The following BCLAF1 variants were observed in gnomAD, a reference collection of about 807,000 sequenced individuals.
The protein encoded by BCLAF1 is bcl-2-associated transcription factor 1.
Under a neutral mutation model 99.5 loss-of-function variants are expected in BCLAF1, and 10 were observed. The ratio of observed to expected loss-of-function variants is 0.10; its 90% CI spans 0.06 to 0.17. The LOEUF is 0.17. Among genes scored for constraint, BCLAF1 ranks in the 10% least tolerant of loss-of-function variants. The pLI, the probability that BCLAF1 is intolerant of heterozygous loss-of-function variation, is 1.00. For synonymous variants in BCLAF1, 255 were observed against 370.9 expected, an observed-to-expected ratio of 0.69 and a Z score of 3.59; for missense variants, 636 against 1,105.8, an observed-to-expected ratio of 0.58 and a Z score of 6.02.
chr6:136,261,103 A>G lies in BCLAF1; in HGVS notation c.*7T>C, dbSNP rs76890371. 5 of 1,577,714 alleles carry G rather than the reference A, an allele frequency of 3.2e-6. No homozygotes were observed. The South Asian group carries it at 4.7e-5, about 15-fold the overall frequency. On this transcript the variant is annotated 3_prime_UTR_variant, in exon 13 of 13. Coordinates refer to ENST00000531224, the MANE Select transcript of BCLAF1 (RefSeq NM_014739.3). The stretch of plus-strand genomic sequence containing the variant: ...TTCTGCTCTGTTGTAATCTTACTTC[A>G]TATTTATTATTCCTAAAAGAGAGAG...
rs1020981781 is a variant in BCLAF1 at position 136,289,814 on chromosome 6, G to A, written c.-216C>T. 6.5e-6 allele frequency: 1 copy of A among 152,684 alleles called. No individual in the cohort carries two copies. The allele number at this position is 152,684 out of a possible 1,614,324, so 9.5% of individuals were successfully genotyped here. ...CGAGGAAAACCATAGAGCTACCTTC[G>A]ACGCGCTAGCACGTCTCCGTCACTT... On this transcript the variant is annotated 5_prime_UTR_variant, in exon 1 of 13. Transcript: ENST00000531224.
Position 136,264,707 on chromosome 6 carries a change from T to C in BCLAF1, c.2544+2322A>G, listed in dbSNP as rs190243930. On this transcript the variant is annotated intron_variant, in intron 11 of 12. Transcript: ENST00000531224. Reference sequence around the variant, plus strand: ...TAACTATTCATGTGAAAACCAAAGTTGCCATTTCAATGGCTCATAAGTAAA... The same window carrying C: ...TAACTATTCATGTGAAAACCAAAGTCGCCATTTCAATGGCTCATAAGTAAA... 2.6e-3 allele frequency among the ~76,000 whole-genome samples: 394 copies of C among 152,308 alleles called. 2 individuals are homozygous for C. The highest frequency in any genetic ancestry group is 9.1e-3 in the African/African-American group (377 of 41,560).
intron 11 of BCLAF1, among the ~76,000 whole-genome samples, chr6:136,261,941 T>C (rs1781069668): frequency 6.6e-6 from 1 of 152,160 alleles, no homozygotes; most frequent in African/African-American, 2.4e-5. Flanking sequence ...GTATGAATTT[T>C]ATACTTTACA....
In BCLAF1 at chr6:136,271,972, A is replaced by C. The variant is rs767789214; in HGVS notation, c.2043+23T>G. 82 of 1,556,772 alleles carry C rather than the reference A, an allele frequency of 5.3e-5. No individual in the cohort carries two copies. The Admixed American group carries it at 1.4e-3, about 27-fold the overall frequency. Reference sequence around the variant, plus strand: ...TAACTAAGCTGAACTTAACACGAAAAAAAATTACATTCAAAAACATACCTT... The same window carrying C: ...TAACTAAGCTGAACTTAACACGAAACAAAATTACATTCAAAAACATACCTT... On this transcript the variant is annotated intron_variant, in intron 8 of 12. Transcript: ENST00000531224.
Position 136,268,287 on chromosome 6 carries a change from G to GTGATGC in BCLAF1, c.2266_2271dup (p.Ala756_Ser757dup), listed in dbSNP as rs1159651094. 1 of 1,536,722 alleles carries GTGATGC rather than the reference G, an allele frequency of 6.5e-7. No individual in the cohort carries two copies. Among genetic ancestry groups the GTGATGC allele is most frequent in the African/African-American group, 1.3e-5 (1 of 74,144 alleles). On this transcript the variant is annotated inframe_insertion, in exon 10 of 13. Transcript: ENST00000531224. ...TCTTCTCGAGAACTGGGAGAAGAAG[G>GTGATGC]TGATGCTGAAGAGGATGAAGATCGA...
chr6:136,283,962 G>A (rs1205507282), intron 1 of BCLAF1, among the ~76,000 whole-genome samples: 1 of 151,834 alleles, frequency 6.6e-6, no homozygotes, highest in African/African-American at 2.4e-5. Flanking sequence ...AGAAAAAAAT[G>A]GCAATCTTCT....
chr6:136,284,494 T>A (rs1235427365), intron 1 of BCLAF1, among the ~76,000 whole-genome samples: 1 of 152,100 alleles, frequency 6.6e-6, no homozygotes. Context: ...AAAAACCAAA[T>A]CGAGAACAGT....
chr6:136,271,972 A>G, intron 8 of BCLAF1, 23 bp downstream of exon 8: 1 of 1,556,890 alleles, frequency 6.4e-7, no homozygotes, highest in Non-Finnish European at 8.8e-7. Context: ...TAACACGAAA[A>G]AAAATTACAT....
intron 1 of BCLAF1, among the ~76,000 whole-genome samples, chr6:136,283,639 T>C (rs1397716467): frequency 3.3e-5 from 5 of 152,162 alleles, no homozygotes; most frequent in Admixed American, 3.3e-4. Context: ...AAAGAATTCA[T>C]GAACAAGTTT....
rs1034807959 is a variant in BCLAF1 at position 136,256,731 on chromosome 6, C to T, written c.*4379G>A. ...AATAATTCAAAGTGCATTTAACATT[C>T]TTTTTCACGGCCACCTTACAAGTAT... On this transcript the variant is annotated 3_prime_UTR_variant, in exon 13 of 13. Coordinates refer to ENST00000531224, the MANE Select transcript of BCLAF1 (RefSeq NM_014739.3). 2.5e-5 allele frequency: 4 copies of T among 158,580 alleles called. No homozygotes were observed. Among genetic ancestry groups the T allele is most frequent in the Non-Finnish European group, 5.4e-5 (4 of 74,040 alleles). The allele number at this position is 158,580 out of a possible 1,614,324, so 9.8% of individuals were successfully genotyped here.
intron 1 of BCLAF1, among the ~76,000 whole-genome samples, chr6:136,288,827 T>A (rs1050778020): frequency 4.7e-4 from 71 of 152,158 alleles, no homozygotes; most frequent in South Asian, 2.1e-4. Flanking sequence ...TGTCCACCAA[T>A]CGTGGCTGCA....
intron 9 of BCLAF1, chr6:136,268,582 T>C (rs1782070050): frequency 2.5e-6 from 1 of 392,762 alleles, no homozygotes; most frequent in South Asian, 3.2e-5. Flanking sequence ...TCTGTAAAGG[T>C]CAAGAATAAG....
Position 136,278,277 on chromosome 6 carries a change from A to G in BCLAF1, c.604T>C (p.Phe202Leu). 1.2e-6 allele frequency: 2 copies of G among 1,614,162 alleles called. No individual in the cohort carries two copies. Among genetic ancestry groups the G allele is most frequent in the Non-Finnish European group, 1.7e-6 (2 of 1,180,016 alleles). ...CCGGATGTGGCTGATGACTTATTAAATTCATCGATAGACTCAGATGGGTCA... is the reference window on the plus strand; with the variant it reads ...CCGGATGTGGCTGATGACTTATTAAGTTCATCGATAGACTCAGATGGGTCA... ...EHDPSESIDEFNKSSATSGDI... is the reference protein window; with the variant it reads ...EHDPSESIDELNKSSATSGDI... The change falls in exon 4 of 13, where the codon TTT (phenylalanine) becomes CTT (leucine). Residue 202 changes from phenylalanine to leucine, a missense_variant. Phe to Leu is a conservative substitution (Grantham distance 22). Around this residue, in one of 9 missense-constraint regions of BCLAF1, gnomAD observed 65 missense variants for 90.9 expected, o/e 0.71. Transcript: ENST00000531224.
intron 3 of BCLAF1, among the ~76,000 whole-genome samples, chr6:136,279,217 G>A (rs914235716): frequency 6.6e-6 from 1 of 152,044 alleles, no homozygotes; most frequent in Admixed American, 6.6e-5. Context: ...ATAAAGTTAA[G>A]CCTGGTGGGG....
rs138861543 is a variant in BCLAF1 at position 136,268,106 on chromosome 6, T to A, written c.2397+56A>T. 4.9e-4 allele frequency: 713 copies of A among 1,441,238 alleles called. 3 individuals are homozygous for A. The African/African-American group carries it at 8.6e-3, about 17-fold the overall frequency. 89.3% of individuals were successfully genotyped at this position (1,441,238 alleles called of 1,614,324 possible). ...AATCATGTATATGACCTTCCTTATG[T>A]ACAGTACTCTAAGATAAACTCCTAC... On this transcript the variant is annotated intron_variant, in intron 10 of 12. Transcript: ENST00000531224.
At chr6:136,262,471 A>G (rs1251800090) in intron 11 of BCLAF1, among the ~76,000 whole-genome samples, 3 of 152,144 alleles carry the variant, frequency 2.0e-5, no homozygotes, top group African/African-American at 7.2e-5. Context: ...TTTTTTTCCA[A>G]AACATAAGAC....
Position 136,268,653 on chromosome 6 carries a change from A to T in BCLAF1, c.2220-314T>A, listed in dbSNP as rs184339630. ...CTTTTATTACTTTAATGAAAGGAAG[A>T]GAAGAGTAGGAAAAAGTAAGGATGT... is the stretch of plus-strand genomic sequence containing the variant. On this transcript the variant is annotated intron_variant, in intron 9 of 12. Coordinates refer to ENST00000531224, the MANE Select transcript of BCLAF1 (RefSeq NM_014739.3). 1,062 of 240,866 alleles carry T rather than the reference A, an allele frequency of 4.4e-3. 2 individuals carry two copies. Among genetic ancestry groups the T allele is most frequent in the Non-Finnish European group, 6.3e-3 (762 of 121,514 alleles). 14.9% of individuals were successfully genotyped at this position (240,866 alleles called of 1,614,324 possible).
chr6:136,288,273 A>G (rs904163523), intron 1 of BCLAF1, among the ~76,000 whole-genome samples: 2 of 152,214 alleles, frequency 1.3e-5, no homozygotes, highest in Non-Finnish European at 2.9e-5. Flanking sequence ...TTTTTAAGTG[A>G]CAAGGTCTCG....
intron 1 of BCLAF1, among the ~76,000 whole-genome samples, chr6:136,285,693 AAGC>A (rs1219943911): frequency 6.6e-6 from 1 of 152,214 alleles, no homozygotes; most frequent in Non-Finnish European, 1.5e-5. Flanking sequence ...GGATAAAATA[AAGC>A]AGGTTTTATT....
Sources: allele counts gnomAD v4.1 joint callset (sites outside exome capture counted in the v4.1 genomes callset), GRCh38; gene constraint gnomAD v4.1.1; regional missense constraint gnomAD v4.1.1; transcripts MANE v1.5; gene names NCBI Gene and HGNC (gene_info 2026-07-23, HGNC 2026-07-21).